FGF12: variants seen among roughly 807,000 people sequenced by gnomAD.
The protein encoded by FGF12 is fibroblast growth factor 12.
Under a neutral mutation model 23.6 loss-of-function variants are expected in FGF12, and 14 were observed. That is an observed-to-expected ratio of 0.59 (90% CI 0.39 to 0.93). The LOEUF is 0.93. FGF12 is among the 40% of genes least tolerant of loss of function. The probability of loss-of-function intolerance (pLI) is 0.00; values close to 1 mark genes in which losing one functional copy is unlikely to be tolerated. For missense variants in FGF12, 175 were observed against 217.8 expected, an observed-to-expected ratio of 0.80 and a Z score of 1.24; for synonymous variants, 62 against 77.3, an observed-to-expected ratio of 0.80 and a Z score of 1.04.
intron 2 of FGF12, among the ~76,000 whole-genome samples, chr3:192,584,274 C>T (rs1577065949): frequency 6.8e-6 from 1 of 147,956 alleles, no homozygotes; most frequent in South Asian, 2.2e-4. Flanking sequence ...AAGCCATAGC[C>T]GTTTTCTTTG....
intron 2 of FGF12, among the ~76,000 whole-genome samples, chr3:192,658,801 G>A (rs903437804): frequency 3.3e-5 from 5 of 151,942 alleles, no homozygotes; most frequent in Admixed American, 6.6e-5. Flanking sequence ...CAGAGTGCCT[G>A]AAAAGGTGAC....
At chr3:192,329,580 G>A (rs943316454) in intron 4 of FGF12, among the ~76,000 whole-genome samples, 3 of 152,068 alleles carry the variant, frequency 2.0e-5, no homozygotes, top group South Asian at 2.1e-4. Context: ...GAGGATGGTC[G>A]AGGGCTTACT....
At chr3:192,190,518 C>G (rs989221100) in intron 4 of FGF12, among the ~76,000 whole-genome samples, 5 of 138,718 alleles carry the variant, frequency 3.6e-5, no homozygotes, top group Admixed American at 1.5e-4. Context: ...CTCTGTCGCC[C>G]AGGCTGGAGT....
At chr3:192,484,822 T>C (rs974314423) in intron 2 of FGF12, among the ~76,000 whole-genome samples, 8 of 152,212 alleles carry the variant, frequency 5.3e-5, no homozygotes, top group East Asian at 1.9e-4. Context: ...CCCGGAACTG[T>C]GCAACTTGTT....
At chr3:192,591,716 G>A (rs996770186) in intron 2 of FGF12, among the ~76,000 whole-genome samples, 2 of 151,922 alleles carry the variant, frequency 1.3e-5, no homozygotes, top group Non-Finnish European at 2.9e-5. Flanking sequence ...GGATGGTATA[G>A]TTGGAAATGC....
chr3:192,590,904 C>T lies in FGF12; in HGVS notation c.13+136277G>A, dbSNP rs1004467901. Among the ~76,000 whole-genome samples the T allele has an allele frequency of 6.7e-4, 101 of 151,802 alleles. 1 individual carries two copies. Among genetic ancestry groups the T allele is most frequent in the Non-Finnish European group, 4.4e-5 (3 of 67,864 alleles). On this transcript the variant is annotated intron_variant, in intron 2 of 5. Transcript: ENST00000445105. The stretch of plus-strand genomic sequence containing the variant: ...GATAGCTTGCTGTTCTTGACATAAA[C>T]CTTGTTCTGCTCCCCCTTGCTCACA...
chr3:192,705,527 A>T (rs2108733631), intron 2 of FGF12, among the ~76,000 whole-genome samples: 1 of 152,368 alleles, frequency 6.6e-6, no homozygotes, highest in African/African-American at 2.4e-5. Context: ...TTCAGCAGTC[A>T]GAACACATAC....
At chr3:192,369,826 C>T (rs191472708) in intron 2 of FGF12, among the ~76,000 whole-genome samples, 52 of 152,300 alleles carry the variant, frequency 3.4e-4, no homozygotes, top group African/African-American at 9.1e-4. Context: ...TCATTATTTC[C>T]GTGAACATTT....
At chr3:192,284,188 C>A (rs1400725584) in intron 4 of FGF12, among the ~76,000 whole-genome samples, 1 of 152,070 alleles carries the variant, frequency 6.6e-6, no homozygotes, top group African/African-American at 2.4e-5. Flanking sequence ...CCTAGAAAAT[C>A]ATTACTCCAA....
intron 4 of FGF12, among the ~76,000 whole-genome samples, chr3:192,289,944 T>C (rs1414981158): frequency 2.6e-5 from 4 of 152,138 alleles, no homozygotes; most frequent in Non-Finnish European, 4.4e-5. Flanking sequence ...CATCTTTCTC[T>C]TATGGATGAG....
intron 2 of FGF12, among the ~76,000 whole-genome samples, chr3:192,453,153 A>T (rs1722577106): frequency 6.6e-6 from 1 of 152,090 alleles, no homozygotes; most frequent in South Asian, 2.1e-4. Context: ...CTGGGTAATC[A>T]CTTCATATAT....
At chr3:192,710,049 T>A (rs1017012971) in intron 2 of FGF12, among the ~76,000 whole-genome samples, 1 of 152,198 alleles carries the variant, frequency 6.6e-6, no homozygotes, top group African/African-American at 2.4e-5. Context: ...CTTGGTAATT[T>A]TCTTAAGCCA....
At chr3:192,693,627 T>C (rs1355879625) in intron 2 of FGF12, among the ~76,000 whole-genome samples, 1 of 152,104 alleles carries the variant, frequency 6.6e-6, no homozygotes, top group Non-Finnish European at 1.5e-5. Flanking sequence ...AACTAATTTC[T>C]GAAAGGGGAA....
chr3:192,231,263 A>G (rs926419008), intron 4 of FGF12, among the ~76,000 whole-genome samples: 1 of 152,008 alleles, frequency 6.6e-6, no homozygotes, highest in Non-Finnish European at 1.5e-5. Context: ...GAAAATGCCT[A>G]TTTAGATAGG....
At chr3:192,205,640 A>G (rs531782528) in intron 4 of FGF12, among the ~76,000 whole-genome samples, 1 of 152,320 alleles carries the variant, frequency 6.6e-6, no homozygotes, top group African/African-American at 2.4e-5. Flanking sequence ...GGAGTGCTTA[A>G]GAAGTTCTTG....
intron 4 of FGF12, among the ~76,000 whole-genome samples, chr3:192,283,335 T>A (rs976192053): frequency 6.6e-6 from 1 of 152,216 alleles, no homozygotes; most frequent in African/African-American, 2.4e-5. Flanking sequence ...GTGATTCACC[T>A]TGTTTTCTTT....
At chr3:192,147,510 T>C (rs1713791100) in intron 5 of FGF12, among the ~76,000 whole-genome samples, 1 of 152,188 alleles carries the variant, frequency 6.6e-6, no homozygotes, top group Non-Finnish European at 1.5e-5. Context: ...TAAAGTGCAT[T>C]ATATGTGCAA....
At chr3:192,258,540 C>T (rs1201333285) in intron 4 of FGF12, among the ~76,000 whole-genome samples, 1 of 152,090 alleles carries the variant, frequency 6.6e-6, no homozygotes, top group East Asian at 1.9e-4. Context: ...GTATTTAAAG[C>T]ATAAGCAGTA....
intron 2 of FGF12, among the ~76,000 whole-genome samples, chr3:192,384,715 C>CTT (rs1018269312): frequency 6.6e-6 from 1 of 152,158 alleles, no homozygotes; most frequent in African/African-American, 2.4e-5. Context: ...CTGAGGATGA[C>CTT]TTTTTTCCTG....
Sources: gnomAD v4.1 joint callset for allele counts (sites outside exome capture counted in the v4.1 genomes callset) on GRCh38, gnomAD v4.1.1 for gene constraint, MANE v1.5 for transcripts, NCBI Gene and HGNC (gene_info 2026-07-23, HGNC 2026-07-21) for gene names.